The following CNTNAP5 variants were observed in gnomAD, a reference collection of about 807,000 sequenced individuals.
CNTNAP5 encodes the protein contactin-associated protein-like 5.
In CNTNAP5, 72 loss-of-function variants were observed where a neutral mutation model predicts 150.2. That is an observed-to-expected ratio of 0.48 (90% CI 0.40 to 0.58). The LOEUF (loss-of-function observed/expected upper bound fraction) is 0.58, where lower values mean the gene tolerates loss of function less well. Among genes scored for constraint, CNTNAP5 ranks in the 20% least tolerant of loss-of-function variants. The pLI, the probability that CNTNAP5 is intolerant of heterozygous loss-of-function variation, is 0.00. For synonymous variants in CNTNAP5, 672 were observed against 619.8 expected (o/e 1.08, Z -1.25); for missense variants, 1,636 against 1,626.2 (o/e 1.01, Z -0.10).
At chr2:124,062,213 A>G (rs1265257940) in intron 1 of CNTNAP5, among the ~76,000 whole-genome samples, 1 of 152,006 alleles carries the variant, frequency 6.6e-6, no homozygotes, top group East Asian at 1.9e-4. Flanking sequence ...TACATGCAAA[A>G]CTCTTCATGA....
chr2:124,394,384 A>G (rs1478488362), intron 3 of CNTNAP5, among the ~76,000 whole-genome samples: 4 of 151,890 alleles, frequency 2.6e-5, no homozygotes, highest in East Asian at 1.9e-4. Context: ...AAAAAAAAAA[A>G]AAAAGAAAAG....
At chr2:124,361,902 C>T (rs1237550794) in intron 3 of CNTNAP5, among the ~76,000 whole-genome samples, 1 of 151,828 alleles carries the variant, frequency 6.6e-6, no homozygotes, top group East Asian at 1.9e-4. Flanking sequence ...GCGCCCCTCC[C>T]CCAGCCTCGC....
chr2:124,482,647 C>A (rs1693786038), intron 7 of CNTNAP5, among the ~76,000 whole-genome samples: 1 of 151,990 alleles, frequency 6.6e-6, no homozygotes, highest in Non-Finnish European at 1.5e-5. Flanking sequence ...GTGTCTCTTG[C>A]AATGTAAGAG....
chr2:124,397,699 T>A (rs2104755007), intron 3 of CNTNAP5, among the ~76,000 whole-genome samples: 1 of 152,310 alleles, frequency 6.6e-6, no homozygotes, highest in East Asian at 1.9e-4. Flanking sequence ...ATTTAATAGA[T>A]GAATAGACTA....
chr2:124,727,292 T>A (rs1176797357), intron 13 of CNTNAP5, among the ~76,000 whole-genome samples: 1 of 152,068 alleles, frequency 6.6e-6, no homozygotes, highest in Non-Finnish European at 1.5e-5. Context: ...TTGTTGAGGA[T>A]TGATTTGACT....
chr2:124,434,723 G>A (rs1401400948), intron 5 of CNTNAP5, 36 bp downstream of exon 5: 1 of 1,547,984 alleles, frequency 6.5e-7, no homozygotes, highest in East Asian at 2.3e-5. Flanking sequence ...GCCAAGGGAT[G>A]GAGAGCTCCT....
chr2:124,587,201 G>C (rs923953163), intron 11 of CNTNAP5, among the ~76,000 whole-genome samples: 1 of 152,130 alleles, frequency 6.6e-6, no homozygotes, highest in Admixed American at 6.5e-5. Flanking sequence ...TTAGTTCCAT[G>C]TGCTATAATC....
At chr2:124,493,495 C>T (rs1171833536) in intron 7 of CNTNAP5, among the ~76,000 whole-genome samples, 1 of 151,862 alleles carries the variant, frequency 6.6e-6, no homozygotes, top group Admixed American at 6.6e-5. Flanking sequence ...CGTTTGCCTC[C>T]ATGTCTGGCT....
chr2:124,583,502 A>G (rs1008843204), intron 11 of CNTNAP5, among the ~76,000 whole-genome samples: 1 of 152,238 alleles, frequency 6.6e-6, no homozygotes, highest in Non-Finnish European at 1.5e-5. Flanking sequence ...AACCCATTGC[A>G]GTTCAATATT....
intron 3 of CNTNAP5, among the ~76,000 whole-genome samples, chr2:124,249,258 C>T (rs540083587): frequency 1.3e-5 from 2 of 152,220 alleles, no homozygotes; most frequent in South Asian, 4.1e-4. Flanking sequence ...CCTTGCCATA[C>T]CTGGGAATTA....
At chr2:124,786,304 G>C (rs1322418482) in intron 17 of CNTNAP5, among the ~76,000 whole-genome samples, 1 of 142,952 alleles carries the variant, frequency 7.0e-6, no homozygotes, top group Non-Finnish European at 1.5e-5. Context: ...AGAAAAGAAA[G>C]AGAAAGAAGA....
In CNTNAP5 at chr2:124,479,731, C is replaced by A. The variant is rs191442037; in HGVS notation, c.1062+4849C>A. On this transcript the variant is annotated intron_variant, in intron 7 of 23. Coordinates refer to ENST00000682447, the MANE Select transcript of CNTNAP5 (RefSeq NM_001367498.1). The stretch of plus-strand genomic sequence containing the variant: ...TTTTCTTTTGTCCTAGAGGGAAACC[C>A]AAAGGTCTCACTTCAGTGTTCCTGG... Among the ~76,000 whole-genome samples the A allele has an allele frequency of 1.4e-4, 21 of 152,174 alleles. No homozygotes were observed. In the East Asian group the frequency reaches 4.1e-3, roughly 29 times the overall value.
intron 7 of CNTNAP5, among the ~76,000 whole-genome samples, chr2:124,499,264 G>A (rs919804055): frequency 6.6e-6 from 1 of 152,162 alleles, no homozygotes; most frequent in Non-Finnish European, 1.5e-5. Flanking sequence ...AACCTATTGT[G>A]TAAGGCATGG....
chr2:124,092,249 T>A (rs1235470979), intron 1 of CNTNAP5, among the ~76,000 whole-genome samples: 1 of 152,164 alleles, frequency 6.6e-6, no homozygotes, highest in Non-Finnish European at 1.5e-5. Flanking sequence ...AGAGTTACAT[T>A]TCTGTGGGGA....
chr2:124,307,112 C>T (rs1317659889), intron 3 of CNTNAP5, among the ~76,000 whole-genome samples: 1 of 152,110 alleles, frequency 6.6e-6, no homozygotes, highest in African/African-American at 2.4e-5. Context: ...GCCTGGATGG[C>T]TTGAATAACA....
At chr2:124,436,197 C>T (rs1052009980) in intron 5 of CNTNAP5, among the ~76,000 whole-genome samples, 1 of 152,182 alleles carries the variant, frequency 6.6e-6, no homozygotes, top group Non-Finnish European at 1.5e-5. Context: ...GTGTCTTCTA[C>T]TGATAACATT....
At chr2:124,592,334 C>T (rs1438282075) in intron 11 of CNTNAP5, among the ~76,000 whole-genome samples, 2 of 150,664 alleles carry the variant, frequency 1.3e-5, no homozygotes, top group Non-Finnish European at 2.9e-5. Flanking sequence ...TTTGCATTCC[C>T]TCTCAGCCAC....
At chr2:124,152,812 T>C (rs1175253560) in intron 1 of CNTNAP5, among the ~76,000 whole-genome samples, 1 of 152,194 alleles carries the variant, frequency 6.6e-6, no homozygotes, top group Non-Finnish European at 1.5e-5. Flanking sequence ...TGTCTTATTA[T>C]AGCATATACT....
chr2:124,503,601 C>T (rs187756642), intron 7 of CNTNAP5, among the ~76,000 whole-genome samples: 174 of 152,320 alleles, frequency 1.1e-3, no homozygotes, highest in Non-Finnish European at 2.0e-3. Flanking sequence ...TGGCCCATGT[C>T]ACTGCACTGT....
Sources: allele counts gnomAD v4.1 joint callset (sites outside exome capture counted in the v4.1 genomes callset), GRCh38; gene constraint gnomAD v4.1.1; transcripts MANE v1.5; gene names NCBI Gene and HGNC (gene_info 2026-07-23, HGNC 2026-07-21).